NFATC1: variants seen among roughly 807,000 people sequenced by gnomAD.
The protein encoded by NFATC1 is nuclear factor of activated T cells 1, also known as nuclear factor of activated T-cells, cytoplasmic 1.
In NFATC1, 22 loss-of-function variants were observed where a neutral mutation model predicts 76.0. That is an observed-to-expected ratio of 0.29 (90% CI 0.21 to 0.41). The LOEUF (loss-of-function observed/expected upper bound fraction) is 0.41, where lower values mean the gene tolerates loss of function less well. Among genes scored for constraint, NFATC1 ranks in the 10% least tolerant of loss-of-function variants. The pLI, the probability that NFATC1 is intolerant of heterozygous loss-of-function variation, is 1.00. For missense variants in NFATC1, 1,357 were observed against 1,337.7 expected, an observed-to-expected ratio of 1.01 and a Z score of -0.23; for synonymous variants, 704 against 613.1, an observed-to-expected ratio of 1.15 and a Z score of -2.19.
rs556500959 is a variant in NFATC1, at chr18:79,455,571, G to A, written c.1903+3755G>A. Among the ~76,000 whole-genome samples, 8 of 152,254 alleles carry A rather than the reference G, an allele frequency of 5.3e-5. No homozygotes were observed. In the South Asian group the frequency reaches 6.2e-4, roughly 12 times the overall value. On this transcript the variant is annotated intron_variant, in intron 6 of 9. Transcript: ENST00000427363. ...CACCCCAGGGGCCCTGCCCTGGTTC[G>A]CAGGGAGACACACAGAAATGTGGGA...
rs559546242 is a variant in NFATC1, at chr18:79,506,512, G to C, written c.2782+19575G>C. On this transcript the variant is annotated intron_variant, in intron 9 of 9. Transcript: ENST00000427363. ...TCTCTTCACAGGGCCTGAGAGCTGAGTGTGGTTTCATAACGTGGTTCATTG... is the reference window on the plus strand; with the variant it reads ...TCTCTTCACAGGGCCTGAGAGCTGACTGTGGTTTCATAACGTGGTTCATTG... Among the ~76,000 whole-genome samples the C allele has an allele frequency of 8.2e-3, 1,250 of 152,354 alleles. 12 individuals are homozygous for C. The highest frequency in any genetic ancestry group is 0.013 in the Non-Finnish European group (897 of 68,036).
intron 3 of NFATC1, among the ~76,000 whole-genome samples, chr18:79,442,212 C>T (rs566628979): frequency 6.9e-4 from 105 of 152,334 alleles, no homozygotes; most frequent in South Asian, 3.7e-3. Flanking sequence ...GGCTGCTCTT[C>T]CGGAGAGACG....
At chr18:79,434,454 GT>G (rs951416262) in intron 3 of NFATC1, among the ~76,000 whole-genome samples, 3 of 152,254 alleles carry the variant, frequency 2.0e-5, no homozygotes, top group Non-Finnish European at 4.4e-5. Context: ...CACCCCAGGT[GT>G]TGATGTGGAT....
Position 79,486,597 on chromosome 18 carries a change from C to T in NFATC1, c.2442C>T (p.Pro814=), listed in dbSNP as rs761053831. Residue 814 remains proline (P), a synonymous_variant, in exon 9 of 10, where the codon CCC becomes CCT. Coordinates refer to ENST00000427363, the MANE Select transcript of NFATC1 (RefSeq NM_001278669.2). ...CAGTGGCCACGCACCCCGGCTCGCCCGGGCAGCCACCCCCGGCCCTGCTGC... is the reference window on the plus strand; with the variant it reads ...CAGTGGCCACGCACCCCGGCTCGCCTGGGCAGCCACCCCCGGCCCTGCTGC... ...PRPVATHPGS[P]GQPPPALLPQ... The T allele has an allele frequency of 1.3e-5, 21 of 1,590,470 alleles. No homozygotes were observed. The highest frequency in any genetic ancestry group is 4.0e-5 in the African/African-American group (3 of 74,480).
chr18:79,451,054 T>A lies in NFATC1; in HGVS notation c.1690T>A (p.Phe564Ile), dbSNP rs749047671. ...GAAGAACACACGGGTACGGCTGGTG[T>A]TCCGCGTTCACGTCCCGCAACCCAG... Reference protein sequence around the residue: ...GRKNTRVRLVFRVHVPQPSGR... With the variant: ...GRKNTRVRLVIRVHVPQPSGR... Residue 564 changes from phenylalanine to isoleucine, a missense_variant, in exon 5 of 10, where the codon TTC (phenylalanine) becomes ATC (isoleucine). Around this residue, in one of 3 missense-constraint regions of NFATC1, gnomAD observed 242 missense variants for 329.2 expected, o/e 0.74. Coordinates refer to ENST00000427363, the MANE Select transcript of NFATC1 (RefSeq NM_001278669.2). The A allele has an allele frequency of 6.2e-7, 1 of 1,613,262 alleles. No homozygotes were observed.
At chr18:79,488,507 G>A (rs1310344959) in intron 9 of NFATC1, among the ~76,000 whole-genome samples, 1 of 152,184 alleles carries the variant, frequency 6.6e-6, no homozygotes, top group Non-Finnish European at 1.5e-5. Flanking sequence ...TGATGACTGT[G>A]GGGCGGGGCC....
intron 9 of NFATC1, among the ~76,000 whole-genome samples, chr18:79,510,942 C>T (rs1004212066): frequency 7.2e-5 from 11 of 152,198 alleles, no homozygotes; most frequent in East Asian, 1.9e-4. Context: ...CATCCTGCTC[C>T]GGGGCATCGT....
At chr18:79,400,109 C>T (rs552425073) in intron 1 of NFATC1, among the ~76,000 whole-genome samples, 2,476 of 139,636 alleles carry the variant, frequency 0.018, 23 homozygotes, top group South Asian at 0.035. Context: ...CACAAGAGGC[C>T]GGGGGACCCC....
At chr18:79,449,887 C>G (rs2144773297) in intron 4 of NFATC1, among the ~76,000 whole-genome samples, 1 of 152,320 alleles carries the variant, frequency 6.6e-6, no homozygotes, top group Admixed American at 6.5e-5. Flanking sequence ...ATAAGTGATT[C>G]AAAGCCTGTA....
intron 9 of NFATC1, among the ~76,000 whole-genome samples, chr18:79,500,810 T>C (rs1214627354): frequency 1.3e-5 from 2 of 152,078 alleles, no homozygotes; most frequent in Non-Finnish European, 2.9e-5. Flanking sequence ...AACAGAAAAG[T>C]ATAATAGACC....
chr18:79,424,661 C>G lies in NFATC1; in HGVS notation c.1227-8918C>G, dbSNP rs188790118. ...TCTCTGTCTCTCTTTCCGTCTCTGT[C>G]TCTCCATCTCTGTCTCTGTCCCTGT... On this transcript the variant is annotated intron_variant, in intron 2 of 9. Transcript: ENST00000427363. Among the ~76,000 whole-genome samples, 730 of 148,962 alleles carry G rather than the reference C, an allele frequency of 4.9e-3. 6 individuals are homozygous for G. Among genetic ancestry groups the G allele is most frequent in the African/African-American group, 0.018 (702 of 38,836 alleles).
chr18:79,423,929 G>GT (rs2148256735), intron 2 of NFATC1, among the ~76,000 whole-genome samples: 1 of 152,290 alleles, frequency 6.6e-6, no homozygotes, highest in Non-Finnish European at 1.5e-5. Flanking sequence ...CAGTAGCCCG[G>GT]GGCCTCTGGG....
intron 9 of NFATC1, among the ~76,000 whole-genome samples, chr18:79,495,488 C>T (rs1045735368): frequency 4.6e-5 from 7 of 152,168 alleles, no homozygotes; most frequent in African/African-American, 1.4e-4. Context: ...TAGCTTGTTT[C>T]GGCGTTAAGT....
chr18:79,501,906 T>C (rs1440735751), intron 9 of NFATC1, among the ~76,000 whole-genome samples: 1 of 152,116 alleles, frequency 6.6e-6, no homozygotes, highest in Non-Finnish European at 1.5e-5. Flanking sequence ...AACAGAAGAA[T>C]CAATATTGTG....
chr18:79,500,934 G>A (rs2089999233), intron 9 of NFATC1, among the ~76,000 whole-genome samples: 1 of 152,154 alleles, frequency 6.6e-6, no homozygotes. Flanking sequence ...TAATACCAGT[G>A]CCAATACTCC....
rs11659650 is a variant in NFATC1 at position 79,505,798 on chromosome 18, T to C, written c.2782+18861T>C. On this transcript the variant is annotated intron_variant, in intron 9 of 9. Coordinates refer to ENST00000427363, the MANE Select transcript of NFATC1 (RefSeq NM_001278669.2). ...TGAGGGAAGAGGCAGGAGACTGCTG[T>C]GTGGGAGGAGGTGGTGCTGGAGGCC... Among the ~76,000 whole-genome samples the C allele has an allele frequency of 8.1e-3, 903 of 111,704 alleles. 2 individuals carry two copies. Among genetic ancestry groups the C allele is most frequent in the African/African-American group, 0.022 (530 of 24,568 alleles). The allele number at this position is 111,704 out of a possible 152,430, so 73.3% of individuals were successfully genotyped here. A position where few individuals can be genotyped will look rare whatever the true frequency, so the allele number is the denominator to read the frequency against.
intron 1 of NFATC1, among the ~76,000 whole-genome samples, chr18:79,409,733 A>G (rs2085593361): frequency 6.6e-6 from 1 of 152,228 alleles, no homozygotes; most frequent in Non-Finnish European, 1.5e-5. Context: ...CCATTAAACA[A>G]ATTGAACACA....
intron 3 of NFATC1, among the ~76,000 whole-genome samples, chr18:79,445,556 A>C (rs955164986): frequency 6.6e-6 from 1 of 152,266 alleles, no homozygotes; most frequent in African/African-American, 2.4e-5. Context: ...GACGCTGTTC[A>C]CACAGCGTGG....
intron 2 of NFATC1, among the ~76,000 whole-genome samples, chr18:79,423,849 C>T (rs2086186747): frequency 2.6e-5 from 4 of 152,194 alleles, no homozygotes; most frequent in Admixed American, 2.6e-4. Flanking sequence ...GGAGAGGAGG[C>T]CCTGCCCGCA....
Sources: allele counts gnomAD v4.1 joint callset (sites outside exome capture counted in the v4.1 genomes callset), GRCh38; gene constraint gnomAD v4.1.1; regional missense constraint gnomAD v4.1.1; transcripts MANE v1.5; gene names NCBI Gene and HGNC (gene_info 2026-07-23, HGNC 2026-07-21).